DPP10: variants seen among roughly 807,000 people sequenced by gnomAD.
DPP10 encodes dipeptidyl peptidase like 10.
DPP10 carries 33 observed loss-of-function variants against 120.9 expected under a neutral mutation model. The ratio of observed to expected loss-of-function variants is 0.27; its 90% CI spans 0.21 to 0.37. The LOEUF is 0.37. Ranked by LOEUF, DPP10 falls within the 10% of genes least tolerant of loss-of-function variation. The pLI is 1.00. For missense variants in DPP10, 816 were observed against 942.8 expected (o/e 0.87, Z 1.76); for synonymous variants, 337 against 326.1 (o/e 1.03, Z -0.36).
intron 3 of DPP10, among the ~76,000 whole-genome samples, chr2:115,403,461 A>G (rs2068267268): frequency 7.5e-6 from 1 of 132,784 alleles, no homozygotes; most frequent in Admixed American, 8.7e-5. Context: ...ATTCAGTGGC[A>G]TAATCTCAGC....
intron 1 of DPP10, among the ~76,000 whole-genome samples, chr2:114,600,986 G>A (rs958035670): frequency 2.6e-5 from 4 of 151,790 alleles, no homozygotes; most frequent in Non-Finnish European, 4.4e-5. Flanking sequence ...CATAAACAAA[G>A]GTGAGATGCT....
chr2:115,602,824 G>A (rs936493841), intron 5 of DPP10, among the ~76,000 whole-genome samples: 1 of 152,082 alleles, frequency 6.6e-6, no homozygotes, highest in South Asian at 2.1e-4. Context: ...GAAAAAGCCA[G>A]ATAATTACTG....
chr2:115,270,093 CACACACACACACACACACACAG>C (rs1351190096), intron 1 of DPP10, among the ~76,000 whole-genome samples: 3 of 149,014 alleles, frequency 2.0e-5, no homozygotes, highest in Non-Finnish European at 3.0e-5. Context: ...CACACACACA[CACACACACACACACACACACAG>C]ACACACACAC....
At chr2:115,418,566 C>T (rs374180969) in intron 3 of DPP10, among the ~76,000 whole-genome samples, 22 of 151,630 alleles carry the variant, frequency 1.5e-4, no homozygotes, top group African/African-American at 5.3e-4. Context: ...AGCCCAGGAG[C>T]TCAGGGCCAG....
At chr2:114,849,047 A>T (rs771950071) in intron 1 of DPP10, among the ~76,000 whole-genome samples, 1 of 152,180 alleles carries the variant, frequency 6.6e-6, no homozygotes, top group Non-Finnish European at 1.5e-5. Context: ...TGCAATAGCA[A>T]CCTCAAAGAC....
chr2:114,690,707 A>G (rs1235851328), intron 1 of DPP10, among the ~76,000 whole-genome samples: 1 of 152,080 alleles, frequency 6.6e-6, no homozygotes, highest in Non-Finnish European at 1.5e-5. Flanking sequence ...GATTCTTCCT[A>G]TCTACGAGCA....
intron 19 of DPP10, among the ~76,000 whole-genome samples, chr2:115,807,009 C>T (rs77989535): frequency 0.018 from 2,772 of 152,184 alleles, 85 homozygotes; most frequent in African/African-American, 0.061. Context: ...TTCTTTTAAC[C>T]ATGAATAATT....
intron 1 of DPP10, among the ~76,000 whole-genome samples, chr2:114,788,293 A>G (rs982879131): frequency 1.3e-5 from 2 of 152,212 alleles, no homozygotes; most frequent in Non-Finnish European, 1.5e-5. Context: ...GAGAAATGCC[A>G]TTTATACTCA....
chr2:115,239,796 CTT>C (rs1241455628), intron 1 of DPP10, among the ~76,000 whole-genome samples: 2 of 152,092 alleles, frequency 1.3e-5, no homozygotes, highest in African/African-American at 2.4e-5. Flanking sequence ...TGTTCCCCTC[CTT>C]GTGTCCATGC....
At chr2:115,152,392 C>A (rs944668249) in intron 1 of DPP10, among the ~76,000 whole-genome samples, 1 of 152,196 alleles carries the variant, frequency 6.6e-6, no homozygotes, top group Non-Finnish European at 1.5e-5. Context: ...TTCCTTGTAG[C>A]AACTTTGTTT....
intron 1 of DPP10, among the ~76,000 whole-genome samples, chr2:114,716,254 C>T (rs944456312): frequency 1.3e-5 from 2 of 151,824 alleles, no homozygotes; most frequent in South Asian, 2.1e-4. Context: ...AATTGCATAC[C>T]GAAATGTTTG....
intron 1 of DPP10, among the ~76,000 whole-genome samples, chr2:114,720,930 C>CAAAGCTGTATA (rs1435256545): frequency 3.9e-5 from 6 of 152,138 alleles, no homozygotes; most frequent in Non-Finnish European, 5.9e-5. Flanking sequence ...ATGGAGAATG[C>CAAAGCTGTATA]AAAGCTGTAT....
At chr2:115,163,479 C>T (rs1214380356) in intron 1 of DPP10, among the ~76,000 whole-genome samples, 1 of 152,170 alleles carries the variant, frequency 6.6e-6, no homozygotes, top group African/African-American at 2.4e-5. Flanking sequence ...TTAAACGATC[C>T]TGTTTGATCC....
At chr2:114,815,047 C>A (rs1417034803) in intron 1 of DPP10, among the ~76,000 whole-genome samples, 1 of 152,186 alleles carries the variant, frequency 6.6e-6, no homozygotes, top group Non-Finnish European at 1.5e-5. Flanking sequence ...GTTCCCTCCA[C>A]CCTTCTGCTC....
chr2:115,244,420 A>T (rs2058439298), intron 1 of DPP10, among the ~76,000 whole-genome samples: 2 of 152,062 alleles, frequency 1.3e-5, no homozygotes, highest in African/African-American at 4.8e-5. Context: ...TTCTGGCATT[A>T]TAAAAATTGC....
chr2:115,104,833 C>T (rs1478735922), intron 1 of DPP10, among the ~76,000 whole-genome samples: 1 of 152,052 alleles, frequency 6.6e-6, no homozygotes. Context: ...TGGTGAAACC[C>T]CATCTGTACT....
intron 1 of DPP10, among the ~76,000 whole-genome samples, chr2:115,193,279 A>G (rs1023846911): frequency 2.6e-5 from 4 of 152,160 alleles, no homozygotes; most frequent in Non-Finnish European, 4.4e-5. Flanking sequence ...AGAATTTACC[A>G]TGTAAGATTC....
At chr2:115,490,071 C>T (rs2076019885) in intron 3 of DPP10, among the ~76,000 whole-genome samples, 1 of 152,178 alleles carries the variant, frequency 6.6e-6, no homozygotes, top group Admixed American at 6.5e-5. Context: ...ACCTTCCCCA[C>T]TTCAAGATAT....
At chr2:115,203,760 CCAAACA>C (rs1204758871) in intron 1 of DPP10, among the ~76,000 whole-genome samples, 1 of 152,026 alleles carries the variant, frequency 6.6e-6, no homozygotes, top group Non-Finnish European at 1.5e-5. Context: ...TTTTCCCTGT[CCAAACA>C]CAAAATATTT....
Sources: gnomAD v4.1 joint callset for allele counts (sites outside exome capture counted in the v4.1 genomes callset) on GRCh38, gnomAD v4.1.1 for gene constraint, MANE v1.5 for transcripts, NCBI Gene and HGNC (gene_info 2026-07-23, HGNC 2026-07-21) for gene names.